The following EVL variants were observed in gnomAD, a reference collection of about 807,000 sequenced individuals.
The protein encoded by EVL is ena/VASP-like protein.
In EVL, 21 loss-of-function variants were observed where a neutral mutation model predicts 59.6. The ratio of observed to expected loss-of-function variants is 0.35; its 90% confidence interval spans 0.25 to 0.51. EVL has a LOEUF of 0.51. Ranked by LOEUF, EVL falls within the 20% of genes least tolerant of loss-of-function variation. The probability of loss-of-function intolerance (pLI) is 0.97; values close to 1 mark genes in which losing one functional copy is unlikely to be tolerated. For missense variants in EVL, 462 were observed against 546.6 expected (o/e 0.85, Z 1.54); for synonymous variants, 198 against 203.5 (o/e 0.97, Z 0.23).
At chr14:100,132,892 A>C in intron 8 of EVL, 113 bp downstream of exon 8, 1 of 1,184,242 alleles carries the variant, frequency 8.4e-7, no homozygotes, top group Admixed American at 1.8e-5. Flanking sequence ...TGGGCGCTTC[A>C]TCAGGTGATT....
chr14:100,106,654 G>T, intron 3 of EVL: 1 of 396,096 alleles, frequency 2.5e-6, no homozygotes, highest in Admixed American at 4.4e-5. Context: ...TTCACTTCAG[G>T]ATAATGCAAG....
At chr14:100,069,558 C>G (rs959803839) in intron 1 of EVL, among the ~76,000 whole-genome samples, 4 of 152,152 alleles carry the variant, frequency 2.6e-5, no homozygotes, top group Admixed American at 2.6e-4. Flanking sequence ...TCACGTAGTC[C>G]GTTCACTCTC....
At chr14:100,030,436 AAATT>A in intron 1 of EVL, among the ~76,000 whole-genome samples, 1 of 152,270 alleles carries the variant, frequency 6.6e-6, no homozygotes, top group Non-Finnish European at 1.5e-5. Context: ...GATACTCAAT[AAATT>A]AATTCTTTTA....
intron 1 of EVL, among the ~76,000 whole-genome samples, chr14:100,067,119 C>T (rs1183239983): frequency 6.6e-6 from 1 of 152,142 alleles, no homozygotes; most frequent in Non-Finnish European, 1.5e-5. Flanking sequence ...GTCCCTCCCC[C>T]GTACAAGGCT....
At chr14:99,973,095 C>T (rs1056051862) in intron 1 of EVL, among the ~76,000 whole-genome samples, 1 of 152,054 alleles carries the variant, frequency 6.6e-6, no homozygotes, top group Admixed American at 6.6e-5. Context: ...ATTAATAATG[C>T]TGTTATGGAT....
upstream of EVL, among the ~76,000 whole-genome samples, chr14:100,064,739 C>G (rs1309871935): frequency 6.6e-6 from 1 of 152,138 alleles, no homozygotes; most frequent in Non-Finnish European, 1.5e-5. Flanking sequence ...GGAGAAACCC[C>G]GTCTCTACTA....
intron 3 of EVL, among the ~76,000 whole-genome samples, chr14:100,122,424 C>G (rs1165919877): frequency 2.0e-5 from 3 of 152,170 alleles, no homozygotes; most frequent in South Asian, 4.1e-4. Context: ...TTAAATTTAA[C>G]ATTAAATTTT....
In EVL at chr14:100,128,711, C is replaced by T; in HGVS notation, c.680C>T (p.Ala227Val). ...HDESSMSGLAAAIAGAKLRRV... is the reference protein window; with the variant it reads ...HDESSMSGLAVAIAGAKLRRV... Reference sequence around the variant, plus strand: ...GAGAGCTCCATGTCAGGACTGGCCGCTGCCATAGCTGGGGCCAAGCTGAGA... The same window carrying T: ...GAGAGCTCCATGTCAGGACTGGCCGTTGCCATAGCTGGGGCCAAGCTGAGA... Residue 227 changes from alanine to valine, a missense_variant, in exon 6 of 14, where the codon GCT (alanine) becomes GTT (valine). By Grantham distance (64) the Ala-to-Val change is moderately conservative. Transcript: ENST00000392920. 2 of 1,607,274 alleles carry T rather than the reference C, an allele frequency of 1.2e-6. No homozygotes were observed. The highest frequency in any genetic ancestry group is 1.1e-5 in the South Asian group (1 of 90,802).
intron 1 of EVL, among the ~76,000 whole-genome samples, chr14:99,987,094 C>G (rs967086977): frequency 2.6e-5 from 4 of 152,104 alleles, no homozygotes. Flanking sequence ...GAAAATGGTA[C>G]CGTCAATAAA....
chr14:100,121,472 G>A (rs1159900465), intron 3 of EVL, among the ~76,000 whole-genome samples: 1 of 152,204 alleles, frequency 6.6e-6, no homozygotes, highest in African/African-American at 2.4e-5. Context: ...GGGCCATGGT[G>A]GCTCAAAACA....
intron 1 of EVL, among the ~76,000 whole-genome samples, chr14:99,982,512 A>G (rs1250268630): frequency 6.6e-6 from 1 of 152,228 alleles, no homozygotes; most frequent in African/African-American, 2.4e-5. Flanking sequence ...GGTTCTCCCA[A>G]AAACAAGCAC....
intron 1 of EVL, among the ~76,000 whole-genome samples, chr14:100,041,675 A>G (rs572534152): frequency 6.6e-6 from 1 of 152,350 alleles, no homozygotes; most frequent in South Asian, 2.1e-4. Flanking sequence ...TATCAGTGCA[A>G]AATACATCCC....
Position 100,130,360 on chromosome 14 carries a change from A to G in EVL, c.839+676A>G, listed in dbSNP as rs910896074. On this transcript the variant is annotated intron_variant, in intron 7 of 13. Transcript: ENST00000392920. The surrounding 1 kb of genome is among the most constrained non-coding windows in gnomAD (Gnocchi z 4.8). ...TTCTCAAAAGGGATGCAAAGCTTGGATTTTATTTTTAAATATGACTTGGCA... is the reference window on the plus strand; with the variant it reads ...TTCTCAAAAGGGATGCAAAGCTTGGGTTTTATTTTTAAATATGACTTGGCA... Among the ~76,000 whole-genome samples, 1 of 152,122 alleles carries G rather than the reference A, an allele frequency of 6.6e-6. No individual in the cohort carries two copies. Among genetic ancestry groups the G allele is most frequent in the African/African-American group, 2.4e-5 (1 of 41,428 alleles).
intron 3 of EVL, among the ~76,000 whole-genome samples, chr14:100,118,400 G>A (rs1286400060): frequency 1.3e-5 from 2 of 152,228 alleles, no homozygotes; most frequent in East Asian, 1.9e-4. Context: ...AGAGAGAGAT[G>A]CTATAAAAGC....
chr14:100,084,559 G>C, intron 1 of EVL, 128 bp from the exon 2 acceptor site: 1 of 938,866 alleles, frequency 1.1e-6, no homozygotes, highest in South Asian at 1.7e-5. Flanking sequence ...TTCCATAGAT[G>C]TTGGAAGTTC....
In EVL at chr14:99,972,984, G is replaced by A. The variant is rs2060745396; in HGVS notation, c.5+927G>A. Among the ~76,000 whole-genome samples the A allele has an allele frequency of 6.6e-6, 1 of 152,038 alleles. No homozygotes were observed. Among genetic ancestry groups the A allele is most frequent in the Non-Finnish European group, 1.5e-5 (1 of 68,010 alleles). ...ATCCATTCCGTTGTAATCGTTATTT[G>A]TTCATTTTTATTGGTCTATAGTATT... is the stretch of plus-strand genomic sequence containing the variant. On this transcript the variant is annotated intron_variant, in intron 1 of 13. Coordinates refer to the EVL transcript ENST00000402714. The surrounding 1 kb of genome is among the most constrained non-coding windows in gnomAD (Gnocchi z 4.4).
intron 1 of EVL, among the ~76,000 whole-genome samples, chr14:99,981,682 C>CT (rs1470273198): frequency 3.3e-5 from 5 of 152,290 alleles, no homozygotes; most frequent in African/African-American, 1.2e-4. Context: ...GTTATGTTTA[C>CT]ACTATACCAT....
intron 8 of EVL, 56 bp downstream of exon 8, chr14:100,132,835 A>C (rs1279478864): frequency 2.5e-6 from 4 of 1,590,918 alleles, no homozygotes; most frequent in Non-Finnish European, 2.6e-6. Flanking sequence ...GCGCATCGCC[A>C]GGGAGGCTCT....
intron 3 of EVL, among the ~76,000 whole-genome samples, chr14:100,122,826 A>G (rs757046924): frequency 2.6e-5 from 4 of 152,206 alleles, no homozygotes; most frequent in African/African-American, 4.8e-5. Context: ...GCCTCCTCTG[A>G]ACAGGAGGTC....
Sources: gnomAD v4.1 joint callset for allele counts (sites outside exome capture counted in the v4.1 genomes callset) on GRCh38, gnomAD v4.1.1 for gene constraint, Gnocchi (gnomAD v3.1) non-coding constraint, MANE v1.5 for transcripts, NCBI Gene and HGNC (gene_info 2026-07-23, HGNC 2026-07-21) for gene names.